DNAJC25: variants seen among roughly 807,000 people sequenced by gnomAD.
The protein encoded by DNAJC25 is dnaJ homolog subfamily C member 25.
Under a neutral mutation model 42.1 loss-of-function variants are expected in DNAJC25, and 26 were observed. That is an observed-to-expected ratio of 0.62 (90% confidence interval 0.45 to 0.86). The LOEUF is 0.86. Ranked by LOEUF, DNAJC25 falls within the 40% of genes least tolerant of loss-of-function variation. The pLI, the probability that DNAJC25 is intolerant of heterozygous loss-of-function variation, is 0.00. For missense variants in DNAJC25, 404 were observed against 459.4 expected (o/e 0.88, Z 1.10); for synonymous variants, 189 against 179.9 (o/e 1.05, Z -0.40).
chr9:111,642,762 G>C (rs1483510290), intron 1 of DNAJC25: 3 of 443,816 alleles, frequency 6.8e-6, no homozygotes, highest in Middle Eastern at 3.4e-4. Flanking sequence ...CTGGGGAGGG[G>C]GGATGACCCT....
Position 111,647,264 on chromosome 9 carries a change from G to A in DNAJC25, c.489+5G>A, listed in dbSNP as rs767770621. On this transcript the variant is annotated splice_donor_5th_base_variant and intron_variant, in intron 2 of 3. Transcript: ENST00000313525. ...TGTGCTATTTCGGTGTTTCAGGTAT[G>A]TATCAATGGATATTTTTATCTACAT... is the stretch of plus-strand genomic sequence containing the variant. The A allele has an allele frequency of 3.7e-6, 6 of 1,613,888 alleles. No individual in the cohort carries two copies. The East Asian group carries it at 1.1e-4, about 30-fold the overall frequency.
chr9:111,638,910 T>G (rs1830403071), intron 1 of DNAJC25, among the ~76,000 whole-genome samples: 1 of 151,914 alleles, frequency 6.6e-6, no homozygotes, highest in African/African-American at 2.4e-5. Flanking sequence ...CAAACTTGCC[T>G]TCCTAGCTAT....
At chr9:111,644,627 G>A (rs1179346007) in intron 1 of DNAJC25, among the ~76,000 whole-genome samples, 5 of 152,144 alleles carry the variant, frequency 3.3e-5, no homozygotes, top group African/African-American at 1.2e-4. Context: ...GAGACAATGA[G>A]GCTCATAGGA....
At chr9:111,651,397 A>G (rs1830658912) in intron 3 of DNAJC25, among the ~76,000 whole-genome samples, 1 of 152,182 alleles carries the variant, frequency 6.6e-6, no homozygotes, top group African/African-American at 2.4e-5. Flanking sequence ...TTAAGAAGGT[A>G]AAGCAGCTCA....
intron 1 of DNAJC25, among the ~76,000 whole-genome samples, chr9:111,641,397 G>C (rs1830461200): frequency 1.4e-5 from 2 of 141,700 alleles, no homozygotes; most frequent in African/African-American, 5.3e-5. Context: ...GTCTGGGAGG[G>C]AGGTGGGGGG....
At chr9:111,649,065 A>G (rs1830608436) in intron 2 of DNAJC25, among the ~76,000 whole-genome samples, 2 of 152,198 alleles carry the variant, frequency 1.3e-5, no homozygotes, top group South Asian at 4.1e-4. Flanking sequence ...AGATTTTGCC[A>G]TTTAACTCTT....
Position 111,636,192 on chromosome 9 carries a change from TC to T in DNAJC25, c.336+4450del, listed in dbSNP as rs1391814966. On this transcript the variant is annotated intron_variant, in intron 1 of 3. Coordinates refer to ENST00000313525, the MANE Select transcript of DNAJC25 (RefSeq NM_001015882.3). ...CCCTTTGAGTTGATCAGGAACGAAG[TC>T]ACCAAGGTTGATGGTGAAAGGACAT... Among the ~76,000 whole-genome samples, 6 of 152,192 alleles carry T rather than the reference TC, an allele frequency of 3.9e-5. No individual in the cohort carries two copies. The South Asian group carries it at 6.2e-4, about 16-fold the overall frequency.
chr9:111,650,156 T>C (rs1830635283), intron 3 of DNAJC25, among the ~76,000 whole-genome samples: 1 of 152,198 alleles, frequency 6.6e-6, no homozygotes, highest in South Asian at 2.1e-4. Flanking sequence ...ATCAACAAAT[T>C]ATGAAAACGT....
chr9:111,651,612 T>C (rs1589349549), intron 3 of DNAJC25, among the ~76,000 whole-genome samples: 2 of 152,108 alleles, frequency 1.3e-5, no homozygotes, highest in Non-Finnish European at 2.9e-5. Context: ...GCAGGCTAGG[T>C]GCGGTGGCTC....
At chr9:111,631,963 C>T (rs1182255464) in intron 1 of DNAJC25, among the ~76,000 whole-genome samples, 2 of 152,260 alleles carry the variant, frequency 1.3e-5, no homozygotes, top group Non-Finnish European at 2.9e-5. Context: ...TTGCCCTCTT[C>T]CTTTTTGTGA....
chr9:111,635,079 G>C (rs895404465), intron 1 of DNAJC25, among the ~76,000 whole-genome samples: 1 of 152,152 alleles, frequency 6.6e-6, no homozygotes, highest in Non-Finnish European at 1.5e-5. Flanking sequence ...GGGAGTTTAT[G>C]GACTTTGGAA....
rs999791922 is a variant in DNAJC25 at position 111,631,414 on chromosome 9, G to A, written c.7G>A (p.Ala3Thr). 1.6e-6 allele frequency: 2 copies of A among 1,280,532 alleles called. No individual in the cohort carries two copies. Among genetic ancestry groups the A allele is most frequent in the South Asian group, 2.8e-5 (1 of 35,876 alleles). The allele number at this position is 1,280,532 out of a possible 1,614,324, so 79.3% of individuals were successfully genotyped here. A position where few individuals can be genotyped will look rare whatever the true frequency, so the allele number is the denominator to read the frequency against. The stretch of plus-strand genomic sequence containing the variant: ...GCCGCCAGCGAGGCTGGGGATGGGG[G>A]CGCCGCTGCTCTCTCCCGGCTGGGG... MG[A>T]PLLSPGWGAG... The change falls in exon 1 of 4, where the codon GCG becomes ACG. Residue 3 changes from alanine to threonine, a missense_variant. Physicochemically the swap from Ala to Thr is moderately conservative, Grantham distance 58. Coordinates refer to ENST00000313525, the MANE Select transcript of DNAJC25 (RefSeq NM_001015882.3).
At chr9:111,634,813 GATC>G (rs1484725896) in intron 1 of DNAJC25, among the ~76,000 whole-genome samples, 1 of 151,432 alleles carries the variant, frequency 6.6e-6, no homozygotes, top group Non-Finnish European at 1.5e-5. Context: ...TATGACATTT[GATC>G]ATCACTATTT....
At chr9:111,637,841 G>A (rs530781880) in intron 1 of DNAJC25, among the ~76,000 whole-genome samples, 1 of 152,298 alleles carries the variant, frequency 6.6e-6, no homozygotes, top group Admixed American at 6.5e-5. Context: ...CGTGATCTTT[G>A]TCTGTTTCTC....
intron 1 of DNAJC25, among the ~76,000 whole-genome samples, chr9:111,633,588 A>G (rs1378879780): frequency 6.6e-6 from 1 of 152,212 alleles, no homozygotes; most frequent in African/African-American, 2.4e-5. Context: ...AGAGGGCAGC[A>G]GAAACACTGC....
chr9:111,651,901 T>G (rs1830667147), intron 3 of DNAJC25, among the ~76,000 whole-genome samples: 1 of 151,934 alleles, frequency 6.6e-6, no homozygotes, highest in Non-Finnish European at 1.5e-5. Flanking sequence ...TCTCACAAGT[T>G]TTAACTCTGT....
intron 3 of DNAJC25, among the ~76,000 whole-genome samples, 179 bp downstream of exon 3, chr9:111,650,102 A>G (rs947721303): frequency 5.9e-5 from 9 of 152,220 alleles, no homozygotes; most frequent in African/African-American, 2.2e-4. Context: ...GTGGGTTTTT[A>G]ACCTGTAATT....
Position 111,640,728 on chromosome 9 carries a change from G to A in DNAJC25, c.337-6379G>A, listed in dbSNP as rs1389300124. Among the ~76,000 whole-genome samples the A allele has an allele frequency of 6.3e-4, 50 of 79,556 alleles. 1 individual carries two copies. The highest frequency in any genetic ancestry group is 0.012 in the Middle Eastern group (2 of 172). The allele number at this position is 79,556 out of a possible 152,430, so 52.2% of individuals were successfully genotyped here. On this transcript the variant is annotated intron_variant, in intron 1 of 3. Transcript: ENST00000313525. ...TGAGAAGTGAGGAGCCCCTCCGCCC[G>A]GCAGCTGCCCCGTCTGAGAAGTGAG... is the stretch of plus-strand genomic sequence containing the variant.
At chr9:111,650,179 A>C (rs937264218) in intron 3 of DNAJC25, among the ~76,000 whole-genome samples, 16 of 152,250 alleles carry the variant, frequency 1.1e-4, no homozygotes, top group African/African-American at 3.6e-4. Flanking sequence ...TAAGAATGTT[A>C]AACTGCATTG....
Sources: allele counts gnomAD v4.1 joint callset (sites outside exome capture counted in the v4.1 genomes callset), GRCh38; gene constraint gnomAD v4.1.1; transcripts MANE v1.5; gene names NCBI Gene and HGNC (gene_info 2026-07-23, HGNC 2026-07-21).